Variants in BMERB1 observed in about 807,000 individuals in gnomAD.
BMERB1 encodes bMERB domain-containing protein 1.
A neutral mutation model predicts 23.6 loss-of-function variants in BMERB1; 12 were observed. The observed-to-expected ratio is 0.51, with a 90% CI of 0.33 to 0.82. The LOEUF is 0.82. BMERB1 is among the 40% of genes least tolerant of loss of function. The pLI is 0.03. For missense variants in BMERB1, 247 were observed against 255.4 expected, an observed-to-expected ratio of 0.97 and a Z score of 0.22; for synonymous variants, 122 against 96.6, an observed-to-expected ratio of 1.26 and a Z score of -1.54.
At chr16:15,489,263 A>G (rs1410345911) in intron 1 of BMERB1, among the ~76,000 whole-genome samples, 5 of 152,184 alleles carry the variant, frequency 3.3e-5, no homozygotes, top group African/African-American at 9.7e-5. Flanking sequence ...AGAAAGGTGA[A>G]TGGATACTGG....
intron 3 of BMERB1, among the ~76,000 whole-genome samples, chr16:15,573,570 G>A (rs901217137): frequency 2.0e-5 from 3 of 152,082 alleles, no homozygotes; most frequent in African/African-American, 4.8e-5. Flanking sequence ...TATCTGGGTG[G>A]TACCCACTGA....
Position 15,507,228 on chromosome 16 carries a change from A to T in BMERB1, c.107-8077A>T, listed in dbSNP as rs575025456. Among the ~76,000 whole-genome samples, 4 of 152,274 alleles carry T rather than the reference A, an allele frequency of 2.6e-5. No individual in the cohort carries two copies. The South Asian group carries it at 8.3e-4, about 32-fold the overall frequency. On this transcript the variant is annotated intron_variant, in intron 1 of 5. Transcript: ENST00000300006. ...TTGTATTTAAACTAGAAGTTTTTAGATCACCAGCCCTCATCCTCTATCACC... is the reference window on the plus strand; with the variant it reads ...TTGTATTTAAACTAGAAGTTTTTAGTTCACCAGCCCTCATCCTCTATCACC...
intron 2 of BMERB1, among the ~76,000 whole-genome samples, chr16:15,531,465 T>A (rs1464170817): frequency 6.6e-6 from 1 of 152,106 alleles, no homozygotes; most frequent in Non-Finnish European, 1.5e-5. Context: ...CAGGGACCAT[T>A]CTTCAGTCTA....
chr16:15,526,404 G>A (rs1416898597), intron 2 of BMERB1, among the ~76,000 whole-genome samples: 2 of 152,108 alleles, frequency 1.3e-5, no homozygotes, highest in Admixed American at 1.3e-4. Flanking sequence ...GGTGGCTCAC[G>A]CCTCTAATCC....
intron 1 of BMERB1, among the ~76,000 whole-genome samples, chr16:15,454,724 G>A (rs1195773913): frequency 1.3e-5 from 2 of 151,922 alleles, no homozygotes; most frequent in Non-Finnish European, 2.9e-5. Context: ...CCCAGAAGGC[G>A]GAGGTTGCAG....
intron 1 of BMERB1, among the ~76,000 whole-genome samples, chr16:15,468,640 T>G (rs560407427): frequency 1.3e-5 from 2 of 152,248 alleles, no homozygotes; most frequent in South Asian, 4.1e-4. Flanking sequence ...ATTTTGTTTT[T>G]GGTTTATACT....
chr16:15,533,536 G>T (rs550615546), intron 2 of BMERB1, among the ~76,000 whole-genome samples: 1 of 151,938 alleles, frequency 6.6e-6, no homozygotes, highest in East Asian at 1.9e-4. Flanking sequence ...CTGGGACCAA[G>T]TAGCAGCCTC....
At chr16:15,503,067 C>A (rs907276100) in intron 1 of BMERB1, among the ~76,000 whole-genome samples, 5 of 152,140 alleles carry the variant, frequency 3.3e-5, no homozygotes, top group Non-Finnish European at 7.3e-5. Flanking sequence ...TCCTTAGATT[C>A]AACCAATTAT....
intron 2 of BMERB1, among the ~76,000 whole-genome samples, chr16:15,545,697 T>C (rs942330896): frequency 1.3e-5 from 2 of 152,156 alleles, no homozygotes; most frequent in Non-Finnish European, 2.9e-5. Context: ...TCCATCCTTT[T>C]ATCTCTGTCA....
chr16:15,588,247 T>G lies in BMERB1; in HGVS notation c.*1418T>G, dbSNP rs190415083. On this transcript the variant is annotated 3_prime_UTR_variant, in exon 6 of 6. Coordinates refer to ENST00000300006, the MANE Select transcript of BMERB1 (RefSeq NM_033201.3). ...AAAGCTCTTTGTAAACATTAAACAC[T>G]CTTCATAAATCATGCCAATGTCTGT... 13 of 152,334 alleles carry G rather than the reference T, an allele frequency of 8.5e-5. No individual in the cohort carries two copies. The East Asian group carries it at 2.5e-3, about 29-fold the overall frequency. The allele number at this position is 152,334 out of a possible 1,614,324, so 9.4% of individuals were successfully genotyped here.
At chr16:15,487,838 G>C (rs1255027041) in intron 1 of BMERB1, among the ~76,000 whole-genome samples, 1 of 152,228 alleles carries the variant, frequency 6.6e-6, no homozygotes, top group African/African-American at 2.4e-5. Flanking sequence ...CCTGGCGCTG[G>C]TGGGCGGGTC....
chr16:15,565,324 C>G (rs1449753025), intron 2 of BMERB1, among the ~76,000 whole-genome samples: 2 of 152,200 alleles, frequency 1.3e-5, no homozygotes, highest in East Asian at 3.8e-4. Context: ...AATATGATTT[C>G]TGTCCTCTGG....
chr16:15,511,221 C>T (rs1056821762), intron 1 of BMERB1, among the ~76,000 whole-genome samples: 6 of 152,164 alleles, frequency 3.9e-5, no homozygotes, highest in African/African-American at 7.2e-5. Context: ...AAACAGACAT[C>T]GCTCCCTCTC....
intron 2 of BMERB1, among the ~76,000 whole-genome samples, chr16:15,561,295 G>A (rs2030414606): frequency 9.1e-6 from 1 of 110,054 alleles, no homozygotes; most frequent in Non-Finnish European, 1.8e-5. Flanking sequence ...GGGAGAAGGA[G>A]TCTCACTCTG....
chr16:15,455,721 C>A (rs899356557), intron 1 of BMERB1, among the ~76,000 whole-genome samples: 3 of 152,148 alleles, frequency 2.0e-5, no homozygotes, highest in Non-Finnish European at 2.9e-5. Context: ...CTCAGCCTCC[C>A]AAAGTGCTGG....
chr16:15,434,595 C>A lies in BMERB1; in HGVS notation c.-59C>A. On this transcript the variant is annotated 5_prime_UTR_variant, in exon 1 of 6. Coordinates refer to ENST00000300006, the MANE Select transcript of BMERB1 (RefSeq NM_033201.3). ...CTGGCTGGAGCCACCTCCCTCCCTG[C>A]AGCCCGCAACGGGAATGGAGTAAAG... The A allele has an allele frequency of 2.0e-6, 3 of 1,516,612 alleles. No homozygotes were observed. The highest frequency in any genetic ancestry group is 2.7e-6 in the Non-Finnish European group (3 of 1,092,262). 93.9% of individuals were successfully genotyped at this position (1,516,612 alleles called of 1,614,324 possible). A position where few individuals can be genotyped will look rare whatever the true frequency, so the allele number is the denominator to read the frequency against.
intron 1 of BMERB1, among the ~76,000 whole-genome samples, chr16:15,455,207 C>A (rs1344159885): frequency 1.3e-5 from 2 of 149,370 alleles, no homozygotes; most frequent in Non-Finnish European, 3.0e-5. Flanking sequence ...ACCTATAATC[C>A]CAGCTACTCA....
intron 2 of BMERB1, among the ~76,000 whole-genome samples, chr16:15,543,877 G>T (rs966268283): frequency 5.3e-5 from 8 of 152,124 alleles, no homozygotes; most frequent in African/African-American, 1.9e-4. Flanking sequence ...AGCCACAAAA[G>T]AGTCTTTTGT....
intron 1 of BMERB1, among the ~76,000 whole-genome samples, chr16:15,475,601 G>A (rs1020614174): frequency 2.0e-5 from 3 of 152,160 alleles, no homozygotes; most frequent in Non-Finnish European, 2.9e-5. Context: ...CAAAATGAAT[G>A]GAGTATGTCA....
Sources: gnomAD v4.1 joint callset for allele counts (sites outside exome capture counted in the v4.1 genomes callset) on GRCh38, gnomAD v4.1.1 for gene constraint, MANE v1.5 for transcripts, NCBI Gene and HGNC (gene_info 2026-07-23, HGNC 2026-07-21) for gene names.